The following ARB2A variants were observed in gnomAD, a reference collection of about 807,000 sequenced individuals.
ARB2A encodes ARB2 cotranscriptional regulator A.
chr5:94,092,116 T>C, the ARB2A span, among the ~76,000 whole-genome samples: 358 of 151,272 alleles, frequency 2.4e-3, no homozygotes, highest in African/African-American at 8.2e-3. Context: ...TTTTGGGAGG[T>C]TGAAGCAGGA....
At chr5:94,071,139 C>T in the ARB2A span, among the ~76,000 whole-genome samples, 1 of 152,000 alleles carries the variant, frequency 6.6e-6, no homozygotes, top group Admixed American at 6.6e-5. Context: ...GGAAACAACA[C>T]AAATGTCTAA....
chr5:94,072,916 C>T, the ARB2A span, among the ~76,000 whole-genome samples: 76 of 152,196 alleles, frequency 5.0e-4, 1 homozygote, highest in Middle Eastern at 0.027. Context: ...TTTCTTCCAG[C>T]ATGCACTGCT....
At chr5:93,621,011 G>A in the ARB2A span, 1 of 1,611,316 alleles carries the variant, frequency 6.2e-7, no homozygotes, top group Admixed American at 1.7e-5. Context: ...GCTTGATGCG[G>A]TGGGAGCGGC....
At chr5:94,097,709 C>A in the ARB2A span, among the ~76,000 whole-genome samples, 1 of 152,134 alleles carries the variant, frequency 6.6e-6, no homozygotes, top group African/African-American at 2.4e-5. Context: ...TCAGGTATGT[C>A]TTTATCAGCA....
At chr5:93,628,242 G>T in the ARB2A span, among the ~76,000 whole-genome samples, 2 of 151,598 alleles carry the variant, frequency 1.3e-5, no homozygotes. Flanking sequence ...GTAGAGATGG[G>T]GTTTCACCAT....
the ARB2A span, among the ~76,000 whole-genome samples, chr5:93,839,502 C>T: frequency 6.6e-6 from 1 of 151,932 alleles, no homozygotes; most frequent in Non-Finnish European, 1.5e-5. Context: ...TGTGTCTCTG[C>T]CAGGTTTTGG....
the ARB2A span, among the ~76,000 whole-genome samples, chr5:93,642,241 T>A: frequency 6.6e-6 from 1 of 151,250 alleles, no homozygotes; most frequent in Non-Finnish European, 1.5e-5. Context: ...CATTCTGTCA[T>A]CCAGGCTGGA....
At chr5:94,006,217 A>C in the ARB2A span, among the ~76,000 whole-genome samples, 2 of 152,188 alleles carry the variant, frequency 1.3e-5, no homozygotes, top group East Asian at 1.9e-4. Flanking sequence ...AAGAACAAAT[A>C]CTGGAACATG....
At chr5:93,763,522 T>C in the ARB2A span, among the ~76,000 whole-genome samples, 1 of 152,104 alleles carries the variant, frequency 6.6e-6, no homozygotes, top group Admixed American at 6.5e-5. Flanking sequence ...ATGCACCGAA[T>C]ACAGGAGCAC....
chr5:93,850,255 G>T, the ARB2A span, among the ~76,000 whole-genome samples: 1 of 152,068 alleles, frequency 6.6e-6, no homozygotes, highest in Non-Finnish European at 1.5e-5. Flanking sequence ...ACTATTCCTG[G>T]AAAACTGATA....
At chr5:93,955,030 A>G in the ARB2A span, among the ~76,000 whole-genome samples, 2 of 151,966 alleles carry the variant, frequency 1.3e-5, no homozygotes, top group African/African-American at 4.8e-5. Context: ...CTGCCAGGAC[A>G]CAGGGAAGGG....
At chr5:93,786,305 T>C in the ARB2A span, among the ~76,000 whole-genome samples, 15 of 152,172 alleles carry the variant, frequency 9.9e-5, no homozygotes, top group Admixed American at 8.5e-4. Flanking sequence ...TTCTACAAGA[T>C]GGAAAAATAC....
chr5:93,676,171 G>T, the ARB2A span, among the ~76,000 whole-genome samples: 2 of 151,882 alleles, frequency 1.3e-5, no homozygotes, highest in Admixed American at 1.3e-4. Flanking sequence ...TGGAGAAGGG[G>T]GTCAAGAAAA....
the ARB2A span, among the ~76,000 whole-genome samples, chr5:93,879,279 G>T: frequency 6.6e-6 from 1 of 152,018 alleles, no homozygotes; most frequent in South Asian, 2.1e-4. Context: ...TGTTTGAAGA[G>T]TGTCAGCACA....
the ARB2A span, among the ~76,000 whole-genome samples, chr5:94,068,516 G>C: frequency 6.6e-6 from 1 of 152,200 alleles, no homozygotes; most frequent in East Asian, 1.9e-4. Context: ...AAATGGGAGG[G>C]GACCCAAAGG....
chr5:93,730,296 A>G, the ARB2A span, among the ~76,000 whole-genome samples: 1 of 152,018 alleles, frequency 6.6e-6, no homozygotes, highest in African/African-American at 2.4e-5. Context: ...TTTTTTCCCT[A>G]TGGTGTTGGA....
chr5:93,888,711 G>A, the ARB2A span, among the ~76,000 whole-genome samples: 8 of 151,780 alleles, frequency 5.3e-5, no homozygotes, highest in East Asian at 3.9e-4. Flanking sequence ...GCTGTTTAAC[G>A]ATTACAGTAC....
chr5:93,922,805 C>T, the ARB2A span, among the ~76,000 whole-genome samples: 17 of 151,960 alleles, frequency 1.1e-4, no homozygotes, highest in Admixed American at 2.6e-4. Context: ...CATTAGACAA[C>T]GTGGCGGAAG....
chr5:93,894,546 G>A, the ARB2A span, among the ~76,000 whole-genome samples: 13 of 152,222 alleles, frequency 8.5e-5, no homozygotes, highest in Middle Eastern at 3.4e-3. Context: ...GGTTCTGTAC[G>A]TCTGATCTCT....
Sources: allele counts gnomAD v4.1 joint callset (sites outside exome capture counted in the v4.1 genomes callset), GRCh38; gene constraint gnomAD v4.1.1; transcripts MANE v1.5; gene names NCBI Gene and HGNC (gene_info 2026-07-23, HGNC 2026-07-21).